Variants in RHBDL3 observed in about 807,000 individuals in gnomAD.
RHBDL3 encodes rhomboid like 3.
In RHBDL3, 28 loss-of-function variants were observed where a neutral mutation model predicts 48.2. That is an observed-to-expected ratio of 0.58 (90% confidence interval 0.43 to 0.80). The LOEUF (loss-of-function observed/expected upper bound fraction) is 0.80, where lower values mean the gene tolerates loss of function less well. RHBDL3 is among the 30% of genes least tolerant of loss of function. RHBDL3 has a pLI of 0.00. For synonymous variants in RHBDL3, 208 were observed against 232.3 expected (o/e 0.90, Z 0.95); for missense variants, 464 against 542.7 (o/e 0.85, Z 1.44).
chr17:32,306,356 G>A (rs748696799), intron 7 of RHBDL3, among the ~76,000 whole-genome samples: 7 of 152,028 alleles, frequency 4.6e-5, no homozygotes, highest in Non-Finnish European at 7.4e-5. Context: ...CCCGGGAGGC[G>A]GAGGTTGCAG....
At chr17:32,293,029 G>T (rs1039575052) in intron 4 of RHBDL3, among the ~76,000 whole-genome samples, 2 of 152,064 alleles carry the variant, frequency 1.3e-5, no homozygotes, top group Admixed American at 1.3e-4. Flanking sequence ...ACACAACATG[G>T]ATGAACCTTG....
In RHBDL3 at chr17:32,305,452, C is replaced by T. The variant is rs773967232; in HGVS notation, c.882+11C>T. The T allele has an allele frequency of 1.3e-6, 2 of 1,559,376 alleles. No homozygotes were observed. The highest frequency in any genetic ancestry group is 4.5e-5 in the East Asian group (2 of 44,576). ...GCCAACATTGTCATGGTGAGCACCT[C>T]CCGTTCTCAATGTGTCTTTCTGGCC... is the stretch of plus-strand genomic sequence containing the variant. On this transcript the variant is annotated intron_variant, in intron 7 of 8. Transcript: ENST00000269051.
intron 4 of RHBDL3, among the ~76,000 whole-genome samples, chr17:32,290,805 T>C (rs301344): frequency 0.9 from 137,303 of 151,992 alleles, 62,273 homozygotes; most frequent in East Asian, 1. Context: ...GAATTCAAGA[T>C]GAGTCTGGAC....
intron 7 of RHBDL3, among the ~76,000 whole-genome samples, chr17:32,313,604 T>C (rs1363450870): frequency 1.9e-4 from 29 of 151,944 alleles, no homozygotes; most frequent in Admixed American, 1.9e-3. Context: ...CAACCACCAT[T>C]CTACTTTCTG....
intron 2 of RHBDL3, among the ~76,000 whole-genome samples, chr17:32,283,464 C>T (rs2040111993): frequency 1.3e-5 from 2 of 151,926 alleles, no homozygotes; most frequent in South Asian, 2.1e-4. Flanking sequence ...GCTGGGACTA[C>T]AGGCGCACAC....
At chr17:32,317,255 A>G (rs560989196) in intron 8 of RHBDL3, among the ~76,000 whole-genome samples, 14 of 152,358 alleles carry the variant, frequency 9.2e-5, no homozygotes, top group African/African-American at 2.6e-4. Context: ...ATCAAGACAA[A>G]TAACTTCCTA....
chr17:32,309,957 C>T (rs1320082493), intron 7 of RHBDL3, among the ~76,000 whole-genome samples: 1 of 151,638 alleles, frequency 6.6e-6, no homozygotes, highest in Non-Finnish European at 1.5e-5. Flanking sequence ...CCATGTTGCC[C>T]AGGCTGGTCT....
chr17:32,305,290 G>A (rs780275276), intron 6 of RHBDL3, 51 bp from the exon 7 acceptor site: 1 of 1,282,666 alleles, frequency 7.8e-7, no homozygotes, highest in South Asian at 1.2e-5. Flanking sequence ...GGCTGGGTTG[G>A]GTGAGCCGAG....
rs377490785 is a variant in RHBDL3 at position 32,307,664 on chromosome 17, G to A, written c.882+2223G>A. Reference sequence around the variant, plus strand: ...CTGCGGGTGTTGGGAAACGTGGAACGGTGAGCCTCTCAGTGTGTGTGTGCA... The same window carrying A: ...CTGCGGGTGTTGGGAAACGTGGAACAGTGAGCCTCTCAGTGTGTGTGTGCA... On this transcript the variant is annotated intron_variant, in intron 7 of 8. Transcript: ENST00000269051. Among the ~76,000 whole-genome samples the A allele has an allele frequency of 3.9e-4, 59 of 152,272 alleles. No homozygotes were observed. In the South Asian group the frequency reaches 5.4e-3, roughly 14 times the overall value.
intron 6 of RHBDL3, among the ~76,000 whole-genome samples, chr17:32,302,678 C>T (rs1385501157): frequency 6.6e-6 from 1 of 152,132 alleles, no homozygotes; most frequent in African/African-American, 2.4e-5. Context: ...GCCACCCCAC[C>T]TGGCCCAAAA....
intron 7 of RHBDL3, among the ~76,000 whole-genome samples, chr17:32,313,185 A>G (rs2040885568): frequency 6.6e-6 from 1 of 152,054 alleles, no homozygotes; most frequent in South Asian, 2.1e-4. Flanking sequence ...GTGAAGTTCC[A>G]TATCTACAAA....
Position 32,294,275 on chromosome 17 carries a change from C to T in RHBDL3, c.520-19C>T, listed in dbSNP as rs1214379042. ...TGGGCAGTGTGCACCTAGTAACAGA[C>T]TCTCTCTCTTCTGTCCAGGTTGCCT... is the stretch of plus-strand genomic sequence containing the variant. On this transcript the variant is annotated intron_variant, in intron 4 of 8. Transcript: ENST00000269051. 1.2e-6 allele frequency: 2 copies of T among 1,608,464 alleles called. No homozygotes were observed. Among genetic ancestry groups the T allele is most frequent in the African/African-American group, 1.3e-5 (1 of 74,690 alleles).
intron 6 of RHBDL3, among the ~76,000 whole-genome samples, chr17:32,298,690 G>A (rs922917492): frequency 2.6e-5 from 4 of 152,232 alleles, no homozygotes; most frequent in African/African-American, 9.6e-5. Context: ...GTACCACCCT[G>A]GCCACGTAGC....
At chr17:32,270,050 G>C (rs7224044) in intron 2 of RHBDL3, among the ~76,000 whole-genome samples, 7 of 149,746 alleles carry the variant, frequency 4.7e-5, no homozygotes, top group Non-Finnish European at 8.9e-5. Flanking sequence ...ATTAGGCCAG[G>C]CACAGTGGCT....
intron 2 of RHBDL3, among the ~76,000 whole-genome samples, chr17:32,272,834 G>A (rs12942042): frequency 0.024 from 3,582 of 152,230 alleles, 128 homozygotes; most frequent in African/African-American, 0.082. Flanking sequence ...AGCTCTGCAT[G>A]CATTGTCTTG....
At chr17:32,273,135 G>A (rs1020177498) in intron 2 of RHBDL3, among the ~76,000 whole-genome samples, 2 of 152,166 alleles carry the variant, frequency 1.3e-5, no homozygotes, top group Non-Finnish European at 2.9e-5. Flanking sequence ...CGAGTAGCTG[G>A]GATTACAGGT....
intron 2 of RHBDL3, among the ~76,000 whole-genome samples, chr17:32,276,547 C>T (rs971649537): frequency 6.6e-6 from 1 of 152,110 alleles, no homozygotes; most frequent in African/African-American, 2.4e-5. Context: ...GTTAATTCTG[C>T]TCTGCTCAGA....
intron 7 of RHBDL3, among the ~76,000 whole-genome samples, chr17:32,307,666 T>C (rs1468035168): frequency 2.0e-5 from 3 of 152,144 alleles, no homozygotes; most frequent in Non-Finnish European, 4.4e-5. Flanking sequence ...CGTGGAACGG[T>C]GAGCCTCTCA....
chr17:32,317,475 A>G (rs34836541), intron 8 of RHBDL3, among the ~76,000 whole-genome samples: 24,400 of 152,188 alleles, frequency 0.16, 2,281 homozygotes, highest in African/African-American at 0.25. Context: ...AGTTCTACCT[A>G]CAGAGGTCAT....
Sources: gnomAD v4.1 joint callset for allele counts (sites outside exome capture counted in the v4.1 genomes callset) on GRCh38, gnomAD v4.1.1 for gene constraint, MANE v1.5 for transcripts, NCBI Gene and HGNC (gene_info 2026-07-23, HGNC 2026-07-21) for gene names.